Variants in PCDHA3 observed in about 807,000 individuals in gnomAD.
PCDHA3 encodes the protein protocadherin alpha-3.
Under a neutral mutation model 62.2 loss-of-function variants are expected in PCDHA3, and 41 were observed. That is an observed-to-expected ratio of 0.66 (90% CI 0.51 to 0.86). The LOEUF is 0.86. Among genes scored for constraint, PCDHA3 ranks in the 40% least tolerant of loss-of-function variants. PCDHA3 has a pLI of 0.00. For missense variants in PCDHA3, 1,304 were observed against 1,241.2 expected, an observed-to-expected ratio of 1.05 and a Z score of -0.76; for synonymous variants, 640 against 555.4, an observed-to-expected ratio of 1.15 and a Z score of -2.14.
At chr5:140,961,313 G>A (rs2095603813) in intron 1 of PCDHA3, among the ~76,000 whole-genome samples, 1 of 152,118 alleles carries the variant, frequency 6.6e-6, no homozygotes, top group Admixed American at 6.5e-5. Flanking sequence ...TGATTTACCA[G>A]GCTCTGTTTC....
intron 1 of PCDHA3, among the ~76,000 whole-genome samples, chr5:140,855,699 C>A (rs901621120): frequency 6.7e-6 from 1 of 149,362 alleles, no homozygotes; most frequent in Non-Finnish European, 1.5e-5. Context: ...AAACATTGCA[C>A]GTGGGATCAA....
chr5:140,953,809 G>A (rs1244835717), intron 1 of PCDHA3, among the ~76,000 whole-genome samples: 2 of 152,168 alleles, frequency 1.3e-5, no homozygotes, highest in East Asian at 1.9e-4. Context: ...GTTCTGAGGT[G>A]CATGTGCTAG....
intron 3 of PCDHA3, among the ~76,000 whole-genome samples, chr5:140,984,430 A>T (rs1236503699): frequency 6.6e-6 from 1 of 152,080 alleles, no homozygotes; most frequent in East Asian, 1.9e-4. Flanking sequence ...AGAGAAGGGG[A>T]TCTCCCTTGT....
At chr5:140,879,025 A>G (rs557183400) in intron 1 of PCDHA3, among the ~76,000 whole-genome samples, 36 of 152,342 alleles carry the variant, frequency 2.4e-4, no homozygotes, top group African/African-American at 8.7e-4. Flanking sequence ...TGTTTTATTG[A>G]AGAGTGTCTT....
At chr5:140,969,293 C>A in intron 1 of PCDHA3, 1 of 1,614,186 alleles carries the variant, frequency 6.2e-7, no homozygotes, top group Non-Finnish European at 8.5e-7. Flanking sequence ...TGCTGGGAAC[C>A]TGATTATTCT....
chr5:140,903,367 T>G (rs1247838310), intron 1 of PCDHA3, among the ~76,000 whole-genome samples: 1 of 152,188 alleles, frequency 6.6e-6, no homozygotes, highest in African/African-American at 2.4e-5. Flanking sequence ...TTCAAAAATA[T>G]AGGGAGGATT....
At chr5:140,819,296 T>C (rs1766529850) in intron 1 of PCDHA3, among the ~76,000 whole-genome samples, 1 of 152,178 alleles carries the variant, frequency 6.6e-6, no homozygotes, top group Non-Finnish European at 1.5e-5. Context: ...ATATAGCTTA[T>C]TAAAATTTTA....
intron 1 of PCDHA3, among the ~76,000 whole-genome samples, chr5:140,908,042 C>T (rs2073761027): frequency 1.3e-5 from 2 of 152,196 alleles, no homozygotes; most frequent in African/African-American, 2.4e-5. Context: ...TATATAATTG[C>T]ACATCCGGCC....
At chr5:140,845,060 C>A in intron 1 of PCDHA3, among the ~76,000 whole-genome samples, 1 of 149,380 alleles carries the variant, frequency 6.7e-6, no homozygotes, top group Non-Finnish European at 1.5e-5. Flanking sequence ...TGAAGGTAAC[C>A]TCAAAGCAGC....
intron 1 of PCDHA3, among the ~76,000 whole-genome samples, chr5:140,906,212 A>C (rs2072460025): frequency 6.6e-6 from 1 of 152,194 alleles, no homozygotes; most frequent in South Asian, 2.1e-4. Context: ...CTCAGTATTA[A>C]CCATCACAAG....
At chr5:140,980,196 A>T (rs1404667828) in intron 2 of PCDHA3, among the ~76,000 whole-genome samples, 1 of 152,214 alleles carries the variant, frequency 6.6e-6, no homozygotes, top group Non-Finnish European at 1.5e-5. Flanking sequence ...TTTATTAGAG[A>T]CCAACTTGTG....
At chr5:140,846,011 AAAAGTTATTAC>A (rs1554141096) in intron 1 of PCDHA3, among the ~76,000 whole-genome samples, 1 of 149,770 alleles carries the variant, frequency 6.7e-6, no homozygotes, top group Non-Finnish European at 1.5e-5. Flanking sequence ...AAAAAAATCT[AAAAGTTATTAC>A]GAGTTTAGGA....
At chr5:140,863,062 G>A (rs62384481) in intron 1 of PCDHA3, 2 of 565,590 alleles carry the variant, frequency 3.5e-6, no homozygotes, top group South Asian at 1.4e-5. Context: ...CCCGTTCCAC[G>A]TGGGGCTCTG....
chr5:140,894,584 T>G (rs1554186162), intron 1 of PCDHA3, among the ~76,000 whole-genome samples: 1 of 152,006 alleles, frequency 6.6e-6, no homozygotes, highest in Non-Finnish European at 1.5e-5. Flanking sequence ...TTTTAATATT[T>G]TACTGAGTTT....
chr5:140,977,850 T>C (rs1416064195), intron 1 of PCDHA3, among the ~76,000 whole-genome samples: 5 of 152,236 alleles, frequency 3.3e-5, no homozygotes, highest in African/African-American at 1.2e-4. Flanking sequence ...TATGGCTTTG[T>C]TTCTACCAAA....
At chr5:140,952,794 G>T (rs2094798904) in intron 1 of PCDHA3, among the ~76,000 whole-genome samples, 1 of 152,140 alleles carries the variant, frequency 6.6e-6, no homozygotes, top group Admixed American at 6.5e-5. Context: ...GGTTTAACTG[G>T]CTCGCAGTTC....
At chr5:140,925,382 C>A (rs2082461008) in intron 1 of PCDHA3, among the ~76,000 whole-genome samples, 1 of 152,078 alleles carries the variant, frequency 6.6e-6, no homozygotes, top group Non-Finnish European at 1.5e-5. Flanking sequence ...GTCAATGAGT[C>A]TCCTTTTGGC....
intron 1 of PCDHA3, chr5:140,856,268 C>T: frequency 1.3e-6 from 2 of 1,598,206 alleles, no homozygotes; most frequent in Admixed American, 1.7e-5. Context: ...CGGGGACCTT[C>T]TGGAGGTAAA....
intron 1 of PCDHA3, among the ~76,000 whole-genome samples, chr5:140,937,290 G>C (rs890693007): frequency 3.3e-5 from 5 of 152,076 alleles, no homozygotes; most frequent in Non-Finnish European, 7.4e-5. Flanking sequence ...ACCCGCTTCG[G>C]CCTCCCAAAG....
Sources: allele counts gnomAD v4.1 joint callset (sites outside exome capture counted in the v4.1 genomes callset), GRCh38; gene constraint gnomAD v4.1.1; transcripts MANE v1.5; gene names NCBI Gene and HGNC (gene_info 2026-07-23, HGNC 2026-07-21).